The following UBE2G2 variants were observed in gnomAD, a reference collection of about 807,000 sequenced individuals.
UBE2G2 encodes the protein ubiquitin conjugating enzyme E2 G2.
Under a neutral mutation model 23.0 loss-of-function variants are expected in UBE2G2, and 10 were observed. The observed-to-expected ratio is 0.43, with a 90% CI of 0.27 to 0.74. The LOEUF is 0.74. UBE2G2 is among the 30% of genes least tolerant of loss of function. The pLI is 0.19. For missense variants in UBE2G2, 150 were observed against 218.3 expected (o/e 0.69, Z 1.97); for synonymous variants, 86 against 81.3 (o/e 1.06, Z -0.31).
At chr21:44,801,357 G>A in intron 1 of UBE2G2, 1 of 1,122,826 alleles carries the variant, frequency 8.9e-7, no homozygotes, top group South Asian at 3.7e-5. Flanking sequence ...GCAGCAGCAA[G>A]TCAGGCCTTC....
At chr21:44,801,024 G>A (rs1422829501) in intron 1 of UBE2G2, 2 of 152,350 alleles carry the variant, frequency 1.3e-5, no homozygotes, top group African/African-American at 4.8e-5. Context: ...CGGCGACTCA[G>A]GCTCCTGGCG....
At chr21:44,788,864 T>G (rs2083021226) in intron 1 of UBE2G2, among the ~76,000 whole-genome samples, 1 of 150,616 alleles carries the variant, frequency 6.6e-6, no homozygotes, top group African/African-American at 2.4e-5. Flanking sequence ...GACAGAAAAT[T>G]AATAAATCCT....
chr21:44,781,850 T>C (rs1555961386), intron 3 of UBE2G2, among the ~76,000 whole-genome samples: 1 of 152,188 alleles, frequency 6.6e-6, no homozygotes, highest in African/African-American at 2.4e-5. Flanking sequence ...TAGGGGCAAA[T>C]ATAGCTTTTG....
At chr21:44,791,604 A>C (rs571152498) in intron 1 of UBE2G2, among the ~76,000 whole-genome samples, 2 of 152,234 alleles carry the variant, frequency 1.3e-5, no homozygotes, top group African/African-American at 4.8e-5. Context: ...GGATGTAGGG[A>C]AACGCCTGGA....
rs2082885398 is a variant in UBE2G2 at position 44,772,980 on chromosome 21, C to A, written c.385+567G>T. On this transcript the variant is annotated intron_variant, in intron 5 of 5. Coordinates refer to ENST00000345496, the MANE Select transcript of UBE2G2 (RefSeq NM_003343.6). This position sits in a 1 kb window ranked among gnomAD's most constrained non-coding sequence, Gnocchi z 5.4. The stretch of plus-strand genomic sequence containing the variant: ...CTCCAGCCAAAATGAGCTGGCAGTG[C>A]CCCCATCAAGTCAGCCACCTCCTGC... 6.6e-6 allele frequency among the ~76,000 whole-genome samples: 1 copy of A among 152,188 alleles called. No homozygotes were observed. Among genetic ancestry groups the A allele is most frequent in the Non-Finnish European group, 1.5e-5 (1 of 68,024 alleles).
chr21:44,794,304 T>C lies in UBE2G2; in HGVS notation c.44-6209A>G, dbSNP rs148343283. Among the ~76,000 whole-genome samples the C allele has an allele frequency of 1.3e-3, 203 of 152,300 alleles. 2 individuals are homozygous for C. The highest frequency in any genetic ancestry group is 4.7e-3 in the African/African-American group (195 of 41,578). ...AAACAACTGCACTGCCATTTACAAATAATTTACAAATAAACCTTGGCCTTT... is the reference window on the plus strand; with the variant it reads ...AAACAACTGCACTGCCATTTACAAACAATTTACAAATAAACCTTGGCCTTT... On this transcript the variant is annotated intron_variant, in intron 1 of 5. Transcript: ENST00000345496.
intron 3 of UBE2G2, among the ~76,000 whole-genome samples, chr21:44,778,565 C>CT (rs1400779372): frequency 6.6e-6 from 1 of 151,464 alleles, no homozygotes; most frequent in Admixed American, 6.6e-5. Context: ...GTGTCAGCCA[C>CT]TATGCCTGTA....
chr21:44,790,678 A>G (rs2083036365), intron 1 of UBE2G2, among the ~76,000 whole-genome samples: 1 of 152,198 alleles, frequency 6.6e-6, no homozygotes. Context: ...CTGTCATGAT[A>G]AGTTTCCTGA....
At chr21:44,794,728 G>T (rs2083072710) in intron 1 of UBE2G2, among the ~76,000 whole-genome samples, 2 of 151,856 alleles carry the variant, frequency 1.3e-5, no homozygotes, top group Admixed American at 6.6e-5. Flanking sequence ...TAGAGAGGGG[G>T]TTTCACCGTG....
Position 44,773,549 on chromosome 21 carries a change from G to A in UBE2G2, c.383C>T (p.Ala128Val). The A allele has an allele frequency of 6.2e-7, 1 of 1,607,800 alleles. No individual in the cohort carries two copies. Among genetic ancestry groups the A allele is most frequent in the Non-Finnish European group, 8.5e-7 (1 of 1,179,688 alleles). The part of the protein sequence containing the change: ...KILLSVVSML[A>V]EPNDESGANV... ...CTGCCAGGAGGCTCGGGCCTTACCTGCCAGCATGCTCACCACCGACAGCAG... is the reference window on the plus strand; with the variant it reads ...CTGCCAGGAGGCTCGGGCCTTACCTACCAGCATGCTCACCACCGACAGCAG... The change falls in exon 5 of 6, where the codon GCA becomes GTA. Residue 128 changes from alanine (A) to valine (V), a missense_variant and splice_region_variant. Ala to Val is a moderately conservative substitution (Grantham distance 64). Coordinates refer to ENST00000345496, the MANE Select transcript of UBE2G2 (RefSeq NM_003343.6).
intron 1 of UBE2G2, among the ~76,000 whole-genome samples, chr21:44,789,000 C>G (rs899248657): frequency 1.3e-5 from 2 of 152,044 alleles, no homozygotes; most frequent in Non-Finnish European, 2.9e-5. Flanking sequence ...GAGTTTGGCA[C>G]AGTTGCTGAA....
At chr21:44,774,101 C>G (rs1258846308) in intron 4 of UBE2G2, 1 of 157,870 alleles carries the variant, frequency 6.3e-6, no homozygotes, top group Non-Finnish European at 1.4e-5. Flanking sequence ...ATCCCTGAAC[C>G]GGTCTGTGTA....
In UBE2G2 at chr21:44,769,106, C is replaced by T. The variant is rs1442445897; in HGVS notation, c.*2271G>A. The T allele has an allele frequency of 6.6e-6, 1 of 152,180 alleles. No homozygotes were observed. The highest frequency in any genetic ancestry group is 2.1e-4 in the South Asian group (1 of 4,830). The allele number at this position is 152,180 out of a possible 1,614,324, so 9.4% of individuals were successfully genotyped here. A position where few individuals can be genotyped will look rare whatever the true frequency, so the allele number is the denominator to read the frequency against. On this transcript the variant is annotated 3_prime_UTR_variant, in exon 6 of 6. Coordinates refer to ENST00000345496, the MANE Select transcript of UBE2G2 (RefSeq NM_003343.6). Reference sequence around the variant, plus strand: ...TAGGTTCCACCACACAACAGGGACACCATGGGATTGTTTTTTCATTTAATA... The same window carrying T: ...TAGGTTCCACCACACAACAGGGACATCATGGGATTGTTTTTTCATTTAATA...
In UBE2G2 at chr21:44,777,356, C is replaced by G; in HGVS notation, c.187G>C (p.Asp63His). 1 of 1,614,008 alleles carries G rather than the reference C, an allele frequency of 6.2e-7. No individual in the cohort carries two copies. The highest frequency in any genetic ancestry group is 1.1e-5 in the South Asian group (1 of 91,074). ...ATCTTTGGGGGACTTAACGGGTAAT[C>G]AAGTGGGAAACTCAGGATGGCAGGA... ...VFPAILSFPL[D>H]YPLSPPKMRF... The change falls in exon 4 of 6, where the codon GAT becomes CAT. Residue 63 changes from aspartate to histidine, a missense_variant. Asp to His is a moderately conservative substitution (Grantham distance 81). Coordinates refer to ENST00000345496, the MANE Select transcript of UBE2G2 (RefSeq NM_003343.6).
intron 4 of UBE2G2, chr21:44,775,521 A>G (rs1409675813): frequency 3.3e-5 from 5 of 152,240 alleles, no homozygotes; most frequent in African/African-American, 1.2e-4. Context: ...ATTTTTAAAA[A>G]ATCAAAATAA....
intron 4 of UBE2G2, among the ~76,000 whole-genome samples, chr21:44,775,715 A>G (rs1569293600): frequency 6.6e-6 from 1 of 152,216 alleles, no homozygotes; most frequent in Non-Finnish European, 1.5e-5. Flanking sequence ...TCCTCAATAC[A>G]ATCTTAGTAT....
chr21:44,785,122 T>C (rs1317961827), intron 3 of UBE2G2, among the ~76,000 whole-genome samples: 2 of 152,206 alleles, frequency 1.3e-5, no homozygotes, highest in Non-Finnish European at 2.9e-5. Context: ...TAGAAGATGC[T>C]GATAAACCTC....
At chr21:44,776,350 C>T (rs2082913158) in intron 4 of UBE2G2, among the ~76,000 whole-genome samples, 1 of 151,896 alleles carries the variant, frequency 6.6e-6, no homozygotes, top group African/African-American at 2.4e-5. Context: ...AAAAAAATTT[C>T]AATCTGAAAA....
In UBE2G2 at chr21:44,777,291, G is replaced by T. The variant is rs782556909; in HGVS notation, c.244+8C>A. The T allele has an allele frequency of 1.2e-6, 2 of 1,612,104 alleles. No homozygotes were observed. Among genetic ancestry groups the T allele is most frequent in the South Asian group, 1.1e-5 (1 of 91,016 alleles). On this transcript the variant is annotated splice_region_variant and intron_variant, in intron 4 of 5. Coordinates refer to ENST00000345496, the MANE Select transcript of UBE2G2 (RefSeq NM_003343.6). ...GGTACCACAAAAACTACTTCCAAAAGCACTTACTGTTGGGATGAAACATCT... is the reference window on the plus strand; with the variant it reads ...GGTACCACAAAAACTACTTCCAAAATCACTTACTGTTGGGATGAAACATCT...
Sources: allele counts gnomAD v4.1 joint callset (sites outside exome capture counted in the v4.1 genomes callset), GRCh38; gene constraint gnomAD v4.1.1; non-coding constraint Gnocchi (gnomAD v3.1); transcripts MANE v1.5; gene names NCBI Gene and HGNC (gene_info 2026-07-23, HGNC 2026-07-21).